KIF13A: variants seen among roughly 807,000 people sequenced by gnomAD.
The protein encoded by KIF13A is kinesin-like protein KIF13A.
In KIF13A, 79 loss-of-function variants were observed where a neutral mutation model predicts 212.2. The observed-to-expected ratio is 0.37, with a 90% CI of 0.31 to 0.45. The LOEUF (loss-of-function observed/expected upper bound fraction) is 0.45, where lower values mean the gene tolerates loss of function less well. Ranked by LOEUF, KIF13A falls within the 20% of genes least tolerant of loss-of-function variation. The pLI, the probability that KIF13A is intolerant of heterozygous loss-of-function variation, is 1.00. For synonymous variants in KIF13A, 789 were observed against 808.6 expected (o/e 0.98, Z 0.41); for missense variants, 1,901 against 2,209.0 (o/e 0.86, Z 2.79).
At chr6:17,857,142 T>C (rs746914546) in intron 4 of KIF13A, among the ~76,000 whole-genome samples, 19 of 152,212 alleles carry the variant, frequency 1.2e-4, no homozygotes, top group Non-Finnish European at 1.6e-4. Context: ...TTTTCTTTTA[T>C]GGAAATTTAG....
intron 3 of KIF13A, among the ~76,000 whole-genome samples, chr6:17,876,695 A>G (rs1770592736): frequency 6.6e-6 from 1 of 152,148 alleles, no homozygotes; most frequent in South Asian, 2.1e-4. Flanking sequence ...ACTGGAGTGC[A>G]CTGGCACTAT....
intron 13 of KIF13A, 130 bp downstream of exon 13, chr6:17,830,971 T>G (rs1765395384): frequency 1.3e-6 from 1 of 754,794 alleles, no homozygotes; most frequent in Non-Finnish European, 2.1e-6. Flanking sequence ...CGGAGGGCAC[T>G]ATCCATCTTA....
At chr6:17,784,265 C>T (rs1344079650) in intron 28 of KIF13A, among the ~76,000 whole-genome samples, 1 of 151,576 alleles carries the variant, frequency 6.6e-6, no homozygotes, top group Non-Finnish European at 1.5e-5. Context: ...TAAAAAAAAA[C>T]AAAAAAACAC....
chr6:17,971,866 G>A lies in KIF13A; in HGVS notation c.146+15188C>T, dbSNP rs1779834583. 1.3e-5 allele frequency among the ~76,000 whole-genome samples: 2 copies of A among 152,008 alleles called. No individual in the cohort carries two copies. The highest frequency in any genetic ancestry group is 6.5e-5 in the Admixed American group (1 of 15,274). Reference sequence around the variant, plus strand: ...CAAGGGCAGCTAACAGTCACTCTTGGAGGGAAAAAAACCAAAACTAGTTAA... The same window carrying A: ...CAAGGGCAGCTAACAGTCACTCTTGAAGGGAAAAAAACCAAAACTAGTTAA... On this transcript the variant is annotated intron_variant, in intron 2 of 38. Coordinates refer to ENST00000259711, the MANE Select transcript of KIF13A (RefSeq NM_022113.6). The surrounding 1 kb of genome is among the most constrained non-coding windows in gnomAD (Gnocchi z 4.2).
rs539435011 is a variant in KIF13A at position 17,899,347 on chromosome 6, T to G, written c.147-1167A>C. ...GAAATGGGGGCATTTACCCCATGGC[T>G]TTAATCATTCTTCATAGGAAATAGA... On this transcript the variant is annotated intron_variant, in intron 2 of 38. Transcript: ENST00000259711. This position sits in a 1 kb window ranked among gnomAD's most constrained non-coding sequence, Gnocchi z 5.2. Among the ~76,000 whole-genome samples the G allele has an allele frequency of 6.6e-6, 1 of 152,324 alleles. No homozygotes were observed. The highest frequency in any genetic ancestry group is 1.9e-4 in the East Asian group (1 of 5,186).
downstream of KIF13A, chr6:17,760,500 A>T (rs966615994): frequency 1.3e-4 from 33 of 253,640 alleles, no homozygotes; most frequent in Non-Finnish European, 2.2e-5. Context: ...TACAGTAAGA[A>T]CTGATTAAAA....
chr6:17,784,077 G>C lies in KIF13A; in HGVS notation c.3489-376C>G, dbSNP rs547562123. On this transcript the variant is annotated intron_variant, in intron 28 of 38. Transcript: ENST00000259711. ...TCAAAGGACAGAATGAAAGATGTGT[G>C]AAAGGAGGGAGGGTTGTGTACAGAA... is the stretch of plus-strand genomic sequence containing the variant. Among the ~76,000 whole-genome samples the C allele has an allele frequency of 5.9e-5, 9 of 152,278 alleles. No individual in the cohort carries two copies. The East Asian group carries it at 1.5e-3, about 26-fold the overall frequency.
At chr6:17,890,584 T>C (rs1771954868) in intron 3 of KIF13A, among the ~76,000 whole-genome samples, 1 of 151,228 alleles carries the variant, frequency 6.6e-6, no homozygotes, top group Non-Finnish European at 1.5e-5. Context: ...CCAAAGTTAA[T>C]CAGAAGGTGG....
intron 20 of KIF13A, among the ~76,000 whole-genome samples, chr6:17,803,587 A>C (rs1295077175): frequency 6.6e-6 from 1 of 152,212 alleles, no homozygotes; most frequent in Non-Finnish European, 1.5e-5. Context: ...GAAATACCAG[A>C]GTTTAAAAGG....
In KIF13A at chr6:17,897,011, T is replaced by C. The variant is rs959557529; in HGVS notation, c.159+1157A>G. Among the ~76,000 whole-genome samples the C allele has an allele frequency of 5.9e-5, 9 of 152,244 alleles. No homozygotes were observed. The highest frequency in any genetic ancestry group is 1.2e-4 in the Non-Finnish European group (8 of 68,042). ...GCTCGGGGAGAATCTCCTGATTCCCTAGATTTGTCCAGAATGCCACTGCCA... is the reference window on the plus strand; with the variant it reads ...GCTCGGGGAGAATCTCCTGATTCCCCAGATTTGTCCAGAATGCCACTGCCA... On this transcript the variant is annotated intron_variant, in intron 3 of 38. Transcript: ENST00000259711. The surrounding 1 kb of genome is among the most constrained non-coding windows in gnomAD (Gnocchi z 4.8).
At position 17,817,130 on chromosome 6, in the gene KIF13A, T is replaced by C. The variant is rs1050493386; in HGVS notation, c.1890A>G (p.Gln630=). The C allele has an allele frequency of 1.2e-6, 2 of 1,613,782 alleles. No individual in the cohort carries two copies. The highest frequency in any genetic ancestry group is 1.7e-6 in the Non-Finnish European group (2 of 1,179,884). The stretch of plus-strand genomic sequence containing the variant: ...TGTCGGGGGAGAGCTGCTGGCGGAG[T>C]TGCTCCAGTTCCCGCTCATACATGA... ...QRLMYERELE[Q]LRQQLSPDRQ... Residue 630 remains glutamine (Q), a synonymous_variant, in exon 17 of 39, where the codon CAA becomes CAG. Coordinates refer to ENST00000259711, the MANE Select transcript of KIF13A (RefSeq NM_022113.6).
chr6:17,847,244 T>C (rs1767158340), intron 9 of KIF13A, among the ~76,000 whole-genome samples: 1 of 152,214 alleles, frequency 6.6e-6, no homozygotes. Flanking sequence ...CAATCTTTTC[T>C]TTGAAACCTG....
In KIF13A at chr6:17,850,438, G is replaced by C; in HGVS notation, c.602C>G (p.Ser201Cys). 6.2e-7 allele frequency: 1 copy of C among 1,613,230 alleles called. No individual in the cohort carries two copies. The highest frequency in any genetic ancestry group is 8.5e-7 in the Non-Finnish European group (1 of 1,179,588). The change falls in exon 8 of 39, where the codon TCT becomes TGT. Residue 201 changes from serine (S) to cysteine (C), a missense_variant. Ser to Cys is a moderately radical substitution (Grantham distance 112). This residue lies in a region of KIF13A where 506 missense variants were observed against 637.4 expected (regional missense o/e 0.79). Transcript: ENST00000259711. This position sits in a 1 kb window ranked among gnomAD's most constrained non-coding sequence, Gnocchi z 6.2. ...TACCGTTCGAGACTTATTTCCCTCA[G>C]ACATCAATGACTCAATATCCTAGGG... is the stretch of plus-strand genomic sequence containing the variant. Reference protein sequence around the residue: ...TSFEDIESLMSEGNKSRTVAA... With the variant: ...TSFEDIESLMCEGNKSRTVAA...
intron 4 of KIF13A, among the ~76,000 whole-genome samples, chr6:17,866,488 C>G (rs1769381353): frequency 6.6e-6 from 1 of 152,024 alleles, no homozygotes; most frequent in African/African-American, 2.4e-5. Context: ...CCACATTTAC[C>G]AATGCTTTCA....
rs1419031870 is a variant in KIF13A at position 17,794,409 on chromosome 6, GGA to G, written c.3076-16_3076-15del. On this transcript the variant is annotated splice_polypyrimidine_tract_variant and intron_variant, in intron 24 of 38. Coordinates refer to ENST00000259711, the MANE Select transcript of KIF13A (RefSeq NM_022113.6). This position sits in a 1 kb window ranked among gnomAD's most constrained non-coding sequence, Gnocchi z 4.1. The stretch of plus-strand genomic sequence containing the variant: ...ACGGGAATGACCCTGAAGAGGGTGG[GGA>G]GGAGTATGGGTGCCAGGAATGATAA... The G allele has an allele frequency of 6.2e-7, 1 of 1,605,412 alleles. No individual in the cohort carries two copies. Among genetic ancestry groups the G allele is most frequent in the African/African-American group, 1.3e-5 (1 of 74,652 alleles).
rs1775536014 is a variant in KIF13A, at chr6:17,926,789, C to CCTTTTTAAGGAACTA, written c.147-28610_147-28609insTAGTTCCTTAAAAAG. Among the ~76,000 whole-genome samples the CCTTTTTAAGGAACTA allele has an allele frequency of 6.6e-6, 1 of 152,048 alleles. No individual in the cohort carries two copies. Among genetic ancestry groups the CCTTTTTAAGGAACTA allele is most frequent in the African/African-American group, 2.4e-5 (1 of 41,368 alleles). On this transcript the variant is annotated intron_variant, in intron 2 of 38. Transcript: ENST00000259711. This position sits in a 1 kb window ranked among gnomAD's most constrained non-coding sequence, Gnocchi z 4.3. ...TTGTAGCTACTATCTGAAAGTAGTT[C>CCTTTTTAAGGAACTA]CTTAAAATGTAATCAGAATCCAACA... is the stretch of plus-strand genomic sequence containing the variant.
chr6:17,796,613 C>T (rs1490508219), intron 23 of KIF13A, 56 bp downstream of exon 23: 4 of 1,171,330 alleles, frequency 3.4e-6, no homozygotes, highest in Non-Finnish European at 4.5e-6. Flanking sequence ...GGTTCAGAGA[C>T]TCTGCTCAAG....
At chr6:17,917,937 C>A (rs1774691267) in intron 2 of KIF13A, among the ~76,000 whole-genome samples, 1 of 152,120 alleles carries the variant, frequency 6.6e-6, no homozygotes. Context: ...CTACTGCCCC[C>A]TCTGCCAGGA....
At chr6:17,877,454 G>C (rs1770672296) in intron 3 of KIF13A, among the ~76,000 whole-genome samples, 1 of 152,148 alleles carries the variant, frequency 6.6e-6, no homozygotes, top group Admixed American at 6.6e-5. Context: ...TAATCTTCCT[G>C]CCTCTGGGTA....
Sources: allele counts gnomAD v4.1 joint callset (sites outside exome capture counted in the v4.1 genomes callset), GRCh38; gene constraint gnomAD v4.1.1; regional missense constraint gnomAD v4.1.1; non-coding constraint Gnocchi (gnomAD v3.1); transcripts MANE v1.5; gene names NCBI Gene and HGNC (gene_info 2026-07-23, HGNC 2026-07-21).